Variants in PDE1C observed in about 807,000 individuals in gnomAD.
PDE1C encodes phosphodiesterase 1C.
PDE1C carries 62 observed loss-of-function variants against 93.1 expected under a neutral mutation model. That is an observed-to-expected ratio of 0.67 (90% CI 0.54 to 0.82). The LOEUF (loss-of-function observed/expected upper bound fraction) is 0.82, where lower values mean the gene tolerates loss of function less well. PDE1C is among the 40% of genes least tolerant of loss of function. The pLI is 0.00. For missense variants in PDE1C, 742 were observed against 884.6 expected, an observed-to-expected ratio of 0.84 and a Z score of 2.04; for synonymous variants, 325 against 310.1, an observed-to-expected ratio of 1.05 and a Z score of -0.50.
intron 2 of PDE1C, among the ~76,000 whole-genome samples, chr7:31,895,089 A>G (rs1393144393): frequency 6.6e-6 from 1 of 152,186 alleles, no homozygotes; most frequent in Admixed American, 6.5e-5. Context: ...GAGGAAGGCC[A>G]CAGTTCAGAC....
the PDE1C span, among the ~76,000 whole-genome samples, chr7:31,735,398 CA>C: frequency 1.4e-5 from 2 of 142,904 alleles, no homozygotes; most frequent in African/African-American, 5.2e-5. Context: ...AACTCTGTCT[CA>C]AAAAAAAAAA....
At chr7:31,706,967 T>G in the PDE1C span, among the ~76,000 whole-genome samples, 1 of 152,198 alleles carries the variant, frequency 6.6e-6, no homozygotes, top group Non-Finnish European at 1.5e-5. Context: ...GAAGGTTGCC[T>G]CTGACTTCCA....
chr7:32,177,504 G>T (rs921966892), intron 2 of PDE1C, among the ~76,000 whole-genome samples: 1 of 152,056 alleles, frequency 6.6e-6, no homozygotes, highest in East Asian at 1.9e-4. Context: ...CTCCTCTCAG[G>T]GGTGTGCCTT....
At chr7:31,679,191 G>A in the PDE1C span, among the ~76,000 whole-genome samples, 4 of 152,168 alleles carry the variant, frequency 2.6e-5, no homozygotes, top group African/African-American at 9.7e-5. Flanking sequence ...CCAGGCCAGG[G>A]TATTCTGGAC....
At chr7:31,739,993 C>G in the PDE1C span, among the ~76,000 whole-genome samples, 1 of 152,196 alleles carries the variant, frequency 6.6e-6, no homozygotes, top group Non-Finnish European at 1.5e-5. Context: ...TGCCTGAGAA[C>G]TGGCCTACAC....
intron 2 of PDE1C, among the ~76,000 whole-genome samples, chr7:31,943,230 T>C (rs1374762818): frequency 2.6e-5 from 4 of 152,104 alleles, no homozygotes; most frequent in African/African-American, 4.8e-5. Context: ...GATTAGTTCA[T>C]GTAAGGTGAT....
At chr7:32,276,146 A>G (rs1811271181) in intron 1 of PDE1C, among the ~76,000 whole-genome samples, 1 of 152,214 alleles carries the variant, frequency 6.6e-6, no homozygotes, top group Non-Finnish European at 1.5e-5. Flanking sequence ...TATTTACCAT[A>G]TACCAAGCAC....
intron 2 of PDE1C, among the ~76,000 whole-genome samples, chr7:31,899,492 G>A (rs1253293006): frequency 6.6e-6 from 1 of 152,126 alleles, no homozygotes; most frequent in East Asian, 1.9e-4. Flanking sequence ...ACAATGCAGT[G>A]AAAAGCGGCA....
intron 2 of PDE1C, among the ~76,000 whole-genome samples, chr7:31,984,193 G>A (rs1208055737): frequency 6.6e-6 from 1 of 152,182 alleles, no homozygotes; most frequent in Admixed American, 6.5e-5. Context: ...CAGCTGGCAA[G>A]CGAGCAAGAC....
chr7:31,642,337 A>C, the PDE1C span: 1 of 940,790 alleles, frequency 1.1e-6, no homozygotes, highest in Non-Finnish European at 1.6e-6. Flanking sequence ...TGCCACCCAA[A>C]CCTCACTCAC....
intron 1 of PDE1C, among the ~76,000 whole-genome samples, chr7:32,298,215 TCTGGATGTTC>T (rs992974171): frequency 6.6e-6 from 1 of 151,892 alleles, no homozygotes; most frequent in Admixed American, 6.6e-5. Flanking sequence ...TGTCCCCGTG[TCTGGATGTTC>T]CTGCCGCTCT....
At chr7:31,687,671 C>A in the PDE1C span, among the ~76,000 whole-genome samples, 1 of 152,186 alleles carries the variant, frequency 6.6e-6, no homozygotes, top group Non-Finnish European at 1.5e-5. Context: ...AGTCTCTCCT[C>A]CAGGAATACT....
rs561906432 is a variant in PDE1C at position 32,285,951 on chromosome 7, G to A, written c.85+12700C>T. 2.0e-5 allele frequency among the ~76,000 whole-genome samples: 3 copies of A among 152,284 alleles called. No homozygotes were observed. In the South Asian group the frequency reaches 6.2e-4, roughly 32 times the overall value. ...CTCAAACAGCACTTGGCCTCAGCAT[G>A]TTACTTCTCAGTGTCAGTCTCCCCA... On this transcript the variant is annotated intron_variant, in intron 1 of 18. Coordinates refer to the PDE1C transcript ENST00000396193.
chr7:32,038,384 T>C (rs1272806083), intron 2 of PDE1C, among the ~76,000 whole-genome samples: 1 of 152,130 alleles, frequency 6.6e-6, no homozygotes, highest in African/African-American at 2.4e-5. Flanking sequence ...GAGTTAATTA[T>C]GATGAAGGAA....
intron 2 of PDE1C, among the ~76,000 whole-genome samples, chr7:32,031,811 A>G (rs1337369982): frequency 6.6e-6 from 1 of 152,172 alleles, no homozygotes; most frequent in Non-Finnish European, 1.5e-5. Context: ...GTTCTAGGAA[A>G]TTTACACAGT....
chr7:32,112,548 T>C (rs1046444856), intron 3 of PDE1C, among the ~76,000 whole-genome samples: 3 of 151,676 alleles, frequency 2.0e-5, no homozygotes, highest in African/African-American at 7.3e-5. Flanking sequence ...CATGGCAACA[T>C]TGAGCTCAAG....
the PDE1C span, among the ~76,000 whole-genome samples, chr7:31,703,461 G>A: frequency 6.6e-6 from 1 of 152,192 alleles, no homozygotes; most frequent in East Asian, 1.9e-4. Context: ...GGGAGAGGTT[G>A]TATAACCATA....
At chr7:32,184,615 C>T (rs1221920164) in intron 2 of PDE1C, among the ~76,000 whole-genome samples, 2 of 151,954 alleles carry the variant, frequency 1.3e-5, no homozygotes, top group East Asian at 3.9e-4. Flanking sequence ...CACATGGACA[C>T]AGGAAGGGGA....
At chr7:32,307,990 G>A (rs1313185164) in intron 1 of PDE1C, among the ~76,000 whole-genome samples, 1 of 152,204 alleles carries the variant, frequency 6.6e-6, no homozygotes, top group Non-Finnish European at 1.5e-5. Flanking sequence ...CAAAGAATGG[G>A]GTGACAGATG....
Sources: allele counts gnomAD v4.1 joint callset (sites outside exome capture counted in the v4.1 genomes callset), GRCh38; gene constraint gnomAD v4.1.1; transcripts MANE v1.5; gene names NCBI Gene and HGNC (gene_info 2026-07-23, HGNC 2026-07-21).